The following MED13L variants were observed in gnomAD, a reference collection of about 807,000 sequenced individuals.
MED13L encodes the protein mediator complex subunit 13L.
In MED13L, 7 loss-of-function variants were observed where a neutral mutation model predicts 220.9. That is an observed-to-expected ratio of 0.03 (90% CI 0.02 to 0.06). The LOEUF is 0.06. MED13L is among the 10% of genes least tolerant of loss of function. The pLI is 1.00. For synonymous variants in MED13L, 1,011 were observed against 1,015.2 expected (o/e 1.00, Z 0.08); for missense variants, 1,965 against 2,760.5 (o/e 0.71, Z 6.46).
At chr12:116,171,700 G>A (rs1175991560) in intron 2 of MED13L, among the ~76,000 whole-genome samples, 1 of 152,102 alleles carries the variant, frequency 6.6e-6, no homozygotes, top group Non-Finnish European at 1.5e-5. Context: ...TTCCTGATCT[G>A]GGTACAATCC....
At chr12:116,221,291 C>T (rs1868412799) in intron 2 of MED13L, among the ~76,000 whole-genome samples, 1 of 151,440 alleles carries the variant, frequency 6.6e-6, no homozygotes, top group Admixed American at 6.6e-5. Flanking sequence ...GGGAAGATCA[C>T]CTAAGCCAGG....
At chr12:116,251,947 GA>G (rs1269569072) in intron 1 of MED13L, among the ~76,000 whole-genome samples, 3 of 150,374 alleles carry the variant, frequency 2.0e-5, no homozygotes, top group Non-Finnish European at 3.0e-5. Flanking sequence ...TAGGAATAAG[GA>G]AAAAAAACTG....
At chr12:115,999,497 T>C (rs947702058) in intron 14 of MED13L, among the ~76,000 whole-genome samples, 1 of 152,120 alleles carries the variant, frequency 6.6e-6, no homozygotes, top group African/African-American at 2.4e-5. Flanking sequence ...AACTGTAATA[T>C]AATTTGAGTT....
At chr12:116,083,435 G>A (rs369840720) in intron 4 of MED13L, among the ~76,000 whole-genome samples, 23 of 143,888 alleles carry the variant, frequency 1.6e-4, no homozygotes, top group South Asian at 6.7e-4. Flanking sequence ...AAACACCTGC[G>A]CAACAAAGTG....
At chr12:116,142,499 C>A (rs900580900) in intron 2 of MED13L, among the ~76,000 whole-genome samples, 2 of 152,002 alleles carry the variant, frequency 1.3e-5, no homozygotes, top group African/African-American at 2.4e-5. Flanking sequence ...ACCAGCCTGG[C>A]CAACATAGTG....
chr12:116,220,365 A>C (rs1033874566), intron 2 of MED13L, among the ~76,000 whole-genome samples: 2 of 152,144 alleles, frequency 1.3e-5, no homozygotes, highest in African/African-American at 4.8e-5. Flanking sequence ...CCAGATTCCC[A>C]CTTCTCTTAG....
chr12:115,978,295 C>G (rs1048249277), intron 23 of MED13L, among the ~76,000 whole-genome samples: 6 of 150,002 alleles, frequency 4.0e-5, no homozygotes, highest in Non-Finnish European at 8.9e-5. Context: ...TGTGGAAATA[C>G]TAAAAACCAC....
At chr12:115,979,453 A>C (rs1877177997) in intron 23 of MED13L, among the ~76,000 whole-genome samples, 1 of 152,220 alleles carries the variant, frequency 6.6e-6, no homozygotes, top group Non-Finnish European at 1.5e-5. Flanking sequence ...AAAAATTCAA[A>C]CTCAAAGAAT....
At chr12:116,023,313 G>C (rs1357419085) in intron 4 of MED13L, among the ~76,000 whole-genome samples, 1 of 151,980 alleles carries the variant, frequency 6.6e-6, no homozygotes, top group South Asian at 2.1e-4. Context: ...AGTGGCTTAC[G>C]AACAAGATCA....
intron 1 of MED13L, among the ~76,000 whole-genome samples, chr12:116,256,217 A>G (rs1473527756): frequency 6.6e-6 from 1 of 152,118 alleles, no homozygotes; most frequent in Admixed American, 6.6e-5. Flanking sequence ...TATGTCCCAC[A>G]CAAAAAGCAG....
chr12:116,133,206 G>A (rs1199016205), intron 2 of MED13L, among the ~76,000 whole-genome samples: 1 of 152,146 alleles, frequency 6.6e-6, no homozygotes, highest in Non-Finnish European at 1.5e-5. Context: ...TCTCACCAGA[G>A]TTTGTTTTCT....
chr12:116,203,623 C>G (rs921628001), intron 2 of MED13L, among the ~76,000 whole-genome samples: 1 of 152,016 alleles, frequency 6.6e-6, no homozygotes, highest in African/African-American at 2.4e-5. Flanking sequence ...AGTTCGAGAC[C>G]AGCCTGGCCA....
intron 14 of MED13L, 55 bp from the exon 15 acceptor site, chr12:115,997,285 C>G (rs1020932720): frequency 6.7e-7 from 1 of 1,498,842 alleles, no homozygotes; most frequent in Non-Finnish European, 9.2e-7. Flanking sequence ...CTAAAAAGTC[C>G]TAGCTTATAG....
Position 115,960,392 on chromosome 12 carries a change from T to C in MED13L, c.*874A>G, listed in dbSNP as rs1181522274. Reference sequence around the variant, plus strand: ...CTTGACTGCCTTCTGTATAAAAATGTTATCCTTCATGAAATGCTGGCCACT... The same window carrying C: ...CTTGACTGCCTTCTGTATAAAAATGCTATCCTTCATGAAATGCTGGCCACT... On this transcript the variant is annotated 3_prime_UTR_variant, in exon 31 of 31. Transcript: ENST00000281928. 1 of 152,666 alleles carries C rather than the reference T, an allele frequency of 6.6e-6. No individual in the cohort carries two copies. The highest frequency in any genetic ancestry group is 1.5e-5 in the Non-Finnish European group (1 of 68,038). The allele number at this position is 152,666 out of a possible 1,614,324, so 9.5% of individuals were successfully genotyped here. A position where few individuals can be genotyped will look rare whatever the true frequency, so the allele number is the denominator to read the frequency against.
intron 2 of MED13L, among the ~76,000 whole-genome samples, chr12:116,117,847 A>C (rs551436054): frequency 1.3e-5 from 2 of 152,078 alleles, no homozygotes; most frequent in African/African-American, 4.8e-5. Flanking sequence ...TCGCTCTTTC[A>C]CCCAGGCTAG....
intron 1 of MED13L, among the ~76,000 whole-genome samples, chr12:116,268,743 A>C (rs1335155514): frequency 6.6e-6 from 1 of 152,164 alleles, no homozygotes; most frequent in Non-Finnish European, 1.5e-5. Flanking sequence ...CAATTTTTGA[A>C]ATTTCTACTC....
At chr12:116,191,504 TGTTTTAGTA>T (rs954531069) in intron 2 of MED13L, among the ~76,000 whole-genome samples, 2 of 151,788 alleles carry the variant, frequency 1.3e-5, no homozygotes, top group African/African-American at 4.8e-5. Context: ...GTAATTTTTG[TGTTTTAGTA>T]GAGATGGGGT....
intron 2 of MED13L, among the ~76,000 whole-genome samples, chr12:116,127,530 G>A (rs1016480965): frequency 1.3e-5 from 2 of 152,038 alleles, no homozygotes; most frequent in African/African-American, 4.8e-5. Flanking sequence ...CTAAAATATA[G>A]ATATATTCAA....
At chr12:116,063,415 G>A (rs1322420751) in intron 4 of MED13L, among the ~76,000 whole-genome samples, 1 of 152,198 alleles carries the variant, frequency 6.6e-6, no homozygotes, top group Non-Finnish European at 1.5e-5. Context: ...CCACTTGGGT[G>A]GCTGAGGTGG....
Sources: gnomAD v4.1 joint callset for allele counts (sites outside exome capture counted in the v4.1 genomes callset) on GRCh38, gnomAD v4.1.1 for gene constraint, MANE v1.5 for transcripts, NCBI Gene and HGNC (gene_info 2026-07-23, HGNC 2026-07-21) for gene names.